The following PDE10A variants were observed in gnomAD, a reference collection of about 807,000 sequenced individuals.
PDE10A encodes the protein cAMP and cAMP-inhibited cGMP 3',5'-cyclic phosphodiesterase 10A.
In PDE10A, 39 loss-of-function variants were observed where a neutral mutation model predicts 97.7. That is an observed-to-expected ratio of 0.40 (90% CI 0.31 to 0.52). The LOEUF is 0.52. PDE10A is among the 20% of genes least tolerant of loss of function. The pLI, the probability that PDE10A is intolerant of heterozygous loss-of-function variation, is 0.56. For missense variants in PDE10A, 731 were observed against 1,047.8 expected, an observed-to-expected ratio of 0.70 and a Z score of 4.17; for synonymous variants, 371 against 376.8, an observed-to-expected ratio of 0.98 and a Z score of 0.18.
At chr6:165,379,966 C>T (rs1018683717) in intron 17 of PDE10A, among the ~76,000 whole-genome samples, 8 of 152,248 alleles carry the variant, frequency 5.3e-5, no homozygotes, top group Non-Finnish European at 1.0e-4. Flanking sequence ...ACTGAAGCTA[C>T]GACAATTCTA....
At chr6:165,981,322 C>A (rs1408605677) in intron 1 of PDE10A, among the ~76,000 whole-genome samples, 1 of 151,614 alleles carries the variant, frequency 6.6e-6, no homozygotes, top group Non-Finnish European at 1.5e-5. Flanking sequence ...AATAATTACC[C>A]CTCATTTGGT....
At chr6:165,630,018 C>T (rs982523602) in intron 1 of PDE10A, among the ~76,000 whole-genome samples, 1 of 151,966 alleles carries the variant, frequency 6.6e-6, no homozygotes, top group Non-Finnish European at 1.5e-5. Flanking sequence ...AATTAAACAC[C>T]ATTGTCAACA....
intron 13 of PDE10A, among the ~76,000 whole-genome samples, chr6:165,400,282 G>C (rs1367656228): frequency 2.6e-5 from 4 of 151,488 alleles, no homozygotes; most frequent in Admixed American, 2.0e-4. Context: ...CTTAGGTTAG[G>C]CAAGTATTTC....
intron 1 of PDE10A, among the ~76,000 whole-genome samples, chr6:165,631,345 C>T (rs1788619660): frequency 6.6e-6 from 1 of 152,194 alleles, no homozygotes; most frequent in South Asian, 2.1e-4. Flanking sequence ...ATAATTGTTA[C>T]ATGCGTATAA....
intron 1 of PDE10A, among the ~76,000 whole-genome samples, chr6:165,895,655 C>T (rs778486414): frequency 2.6e-5 from 4 of 152,166 alleles, no homozygotes; most frequent in African/African-American, 7.2e-5. Context: ...TGCCACAGTC[C>T]TCTCAGACTT....
chr6:165,964,679 G>T (rs1784458566), intron 1 of PDE10A, among the ~76,000 whole-genome samples: 1 of 152,208 alleles, frequency 6.6e-6, no homozygotes, highest in African/African-American at 2.4e-5. Flanking sequence ...ATCCAGCAGT[G>T]CCCAATTTAG....
rs1026058716 is a variant in PDE10A at position 165,949,509 on chromosome 6, C to T, written c.-615+38020G>A. 1.4e-4 allele frequency: 21 copies of T among 152,128 alleles called. No homozygotes were observed. In the Middle Eastern group the frequency reaches 0.01, roughly 73 times the overall value. 9.4% of individuals were successfully genotyped at this position (152,128 alleles called of 1,614,324 possible). A position where few individuals can be genotyped will look rare whatever the true frequency, so the allele number is the denominator to read the frequency against. On this transcript the variant is annotated intron_variant, in intron 1 of 19. Coordinates refer to the PDE10A transcript ENST00000366882. ...CGGATGATGACTGGGGTGACCACTG[C>T]AGACCTTATGAAGTGCCACAGACTG...
intron 1 of PDE10A, among the ~76,000 whole-genome samples, chr6:165,801,127 C>T (rs1359286815): frequency 2.0e-5 from 3 of 152,218 alleles, no homozygotes; most frequent in East Asian, 1.9e-4. Context: ...CCATCTGCAG[C>T]GAACTTGTCC....
intron 2 of PDE10A, among the ~76,000 whole-genome samples, chr6:165,538,554 T>A (rs1337524271): frequency 1.3e-5 from 2 of 152,144 alleles, no homozygotes; most frequent in Admixed American, 1.3e-4. Flanking sequence ...TAAATATTAT[T>A]CTACTACAAA....
intron 1 of PDE10A, among the ~76,000 whole-genome samples, chr6:165,674,007 T>C (rs1790722996): frequency 6.6e-6 from 1 of 152,086 alleles, no homozygotes; most frequent in Admixed American, 6.5e-5. Flanking sequence ...TCCGTGTCCA[T>C]AGATATGATC....
chr6:165,898,623 C>T (rs1256711377), intron 1 of PDE10A, among the ~76,000 whole-genome samples: 1 of 151,852 alleles, frequency 6.6e-6, no homozygotes. Context: ...AATCCCATAC[C>T]CTGAGGGCAT....
intron 1 of PDE10A, among the ~76,000 whole-genome samples, chr6:165,765,453 C>T (rs1482740256): frequency 6.6e-6 from 1 of 152,256 alleles, no homozygotes; most frequent in Non-Finnish European, 1.5e-5. Flanking sequence ...TAAGGCCCGG[C>T]GAGAAATCGA....
intron 1 of PDE10A, among the ~76,000 whole-genome samples, chr6:165,953,280 G>C (rs1042065724): frequency 1.7e-4 from 26 of 152,064 alleles, no homozygotes; most frequent in Admixed American, 1.3e-3. Flanking sequence ...AGAAATTTGA[G>C]GGCTGTTTAA....
At chr6:165,410,696 T>C (rs1251067885) in intron 13 of PDE10A, among the ~76,000 whole-genome samples, 1 of 152,074 alleles carries the variant, frequency 6.6e-6, no homozygotes, top group Non-Finnish European at 1.5e-5. Context: ...AGCACATGCC[T>C]GCTAACAGGA....
intron 1 of PDE10A, among the ~76,000 whole-genome samples, chr6:165,553,238 G>C (rs542921625): frequency 2.0e-5 from 3 of 152,154 alleles, no homozygotes; most frequent in Non-Finnish European, 2.9e-5. Flanking sequence ...GAGGAGGGGG[G>C]TGTCTTTTTT....
chr6:165,707,908 T>C (rs1477675786), intron 1 of PDE10A, among the ~76,000 whole-genome samples: 4 of 152,136 alleles, frequency 2.6e-5, no homozygotes, highest in Admixed American at 1.3e-4. Flanking sequence ...GTTTGCTCTT[T>C]AACCTCCTGC....
chr6:165,716,404 C>A (rs909211446), intron 1 of PDE10A, among the ~76,000 whole-genome samples: 2 of 152,212 alleles, frequency 1.3e-5, no homozygotes, highest in African/African-American at 2.4e-5. Context: ...TGTGAAGGAT[C>A]TGAAACTGAC....
chr6:165,765,106 G>A (rs1777794348), intron 1 of PDE10A, among the ~76,000 whole-genome samples: 1 of 152,164 alleles, frequency 6.6e-6, no homozygotes, highest in African/African-American at 2.4e-5. Context: ...GGTGCTGATT[G>A]GTGTGTTTAC....
Position 165,834,881 on chromosome 6 carries a change from G to C in PDE10A, c.-615+152648C>G, listed in dbSNP as rs530302680. Among the ~76,000 whole-genome samples the C allele has an allele frequency of 1.2e-3, 180 of 152,356 alleles. 3 individuals carry two copies. Among genetic ancestry groups the C allele is most frequent in the East Asian group, 8.9e-3 (46 of 5,190 alleles). The stretch of plus-strand genomic sequence containing the variant: ...TACAAACTCCTACGGCAGAGCTGGG[G>C]ATGCAGAAGTGAGAGGAGTTAGCTT... On this transcript the variant is annotated intron_variant, in intron 1 of 19. Coordinates refer to the PDE10A transcript ENST00000366882.
Sources: allele counts gnomAD v4.1 joint callset (sites outside exome capture counted in the v4.1 genomes callset), GRCh38; gene constraint gnomAD v4.1.1; transcripts MANE v1.5; gene names NCBI Gene and HGNC (gene_info 2026-07-23, HGNC 2026-07-21).